NAV3: variants seen among roughly 807,000 people sequenced by gnomAD.
NAV3 encodes the protein pore membrane and/or filament interacting like protein 1.
A neutral mutation model predicts 244.7 loss-of-function variants in NAV3; 87 were observed. The ratio of observed to expected loss-of-function variants is 0.36; its 90% CI spans 0.30 to 0.42. The LOEUF (loss-of-function observed/expected upper bound fraction) is 0.42, where lower values mean the gene tolerates loss of function less well. Ranked by LOEUF, NAV3 falls within the 20% of genes least tolerant of loss-of-function variation. The pLI, the probability that NAV3 is intolerant of heterozygous loss-of-function variation, is 1.00. For synonymous variants in NAV3, 1,126 were observed against 1,042.2 expected, an observed-to-expected ratio of 1.08 and a Z score of -1.55; for missense variants, 2,663 against 2,893.3, an observed-to-expected ratio of 0.92 and a Z score of 1.83.
At chr12:77,618,620 G>GTA (rs1491302080) in intron 2 of NAV3, among the ~76,000 whole-genome samples, 1 of 152,054 alleles carries the variant, frequency 6.6e-6, no homozygotes, top group East Asian at 1.9e-4. Flanking sequence ...TGTTTAACAC[G>GTA]TATATATATA....
At chr12:77,596,099 G>A (rs542361299) in intron 2 of NAV3, among the ~76,000 whole-genome samples, 6 of 152,224 alleles carry the variant, frequency 3.9e-5, no homozygotes, top group Non-Finnish European at 7.4e-5. Flanking sequence ...TGACAATGAG[G>A]CTGGGCTCTG....
intron 8 of NAV3, among the ~76,000 whole-genome samples, chr12:78,012,471 C>T (rs938519383): frequency 6.6e-6 from 1 of 152,088 alleles, no homozygotes; most frequent in Admixed American, 6.6e-5. Flanking sequence ...CCATGACCCT[C>T]CAGGTTCTAA....
chr12:77,899,400 A>ACCAC (rs1259380723), intron 1 of NAV3, among the ~76,000 whole-genome samples: 1 of 152,306 alleles, frequency 6.6e-6, no homozygotes, highest in East Asian at 1.9e-4. Flanking sequence ...AATTTCATCA[A>ACCAC]CCACCACCCT....
chr12:78,132,531 C>A (rs1956209386), intron 18 of NAV3, among the ~76,000 whole-genome samples: 1 of 152,212 alleles, frequency 6.6e-6, no homozygotes, highest in South Asian at 2.1e-4. Context: ...ATAGCTGTAT[C>A]ATTTATTGTA....
intron 1 of NAV3, among the ~76,000 whole-genome samples, chr12:77,871,434 C>T (rs899487300): frequency 6.6e-6 from 1 of 152,078 alleles, no homozygotes; most frequent in African/African-American, 2.4e-5. Flanking sequence ...GTTATCCCTC[C>T]CCTAATCCCC....
intron 2 of NAV3, among the ~76,000 whole-genome samples, chr12:77,647,269 G>GAAACATA (rs1872642214): frequency 6.6e-6 from 1 of 152,074 alleles, no homozygotes; most frequent in Non-Finnish European, 1.5e-5. Context: ...AAAACATAGA[G>GAAACATA]GAGTAACATT....
intron 2 of NAV3, among the ~76,000 whole-genome samples, chr12:77,628,855 C>G (rs1039852161): frequency 3.1e-4 from 46 of 149,716 alleles, no homozygotes; most frequent in African/African-American, 1.1e-3. Context: ...CTCATCACCA[C>G]TGCAGTCCAC....
At chr12:78,009,193 G>A (rs1278740115) in intron 8 of NAV3, among the ~76,000 whole-genome samples, 2 of 152,130 alleles carry the variant, frequency 1.3e-5, no homozygotes, top group African/African-American at 4.8e-5. Flanking sequence ...CAGCACAGCA[G>A]CACAGCTTAG....
chr12:77,595,839 A>G (rs1386410105), intron 2 of NAV3, among the ~76,000 whole-genome samples: 1 of 152,198 alleles, frequency 6.6e-6, no homozygotes, highest in African/African-American at 2.4e-5. Context: ...AATATGAAGT[A>G]TATTTGCTTT....
chr12:77,933,876 T>A (rs1463351036), intron 1 of NAV3, among the ~76,000 whole-genome samples: 1 of 152,242 alleles, frequency 6.6e-6, no homozygotes, highest in Non-Finnish European at 1.5e-5. Flanking sequence ...TCCCACACTG[T>A]GATTTTGCAA....
rs74105001 is a variant in NAV3, at chr12:77,699,837, A to G, written c.72+127571A>G. ...CAAGCCTCTGAAATCAGTCACCTCT[A>G]CAGCACTCCATAGATTGAAGGAGTC... On this transcript the variant is annotated intron_variant, in intron 2 of 8. Coordinates refer to the NAV3 transcript ENST00000550042. Among the ~76,000 whole-genome samples, 166 of 150,004 alleles carry G rather than the reference A, an allele frequency of 1.1e-3. 1 individual carries two copies. Among genetic ancestry groups the G allele is most frequent in the African/African-American group, 3.6e-3 (147 of 40,944 alleles).
At chr12:77,584,666 A>G (rs1228282052) in intron 2 of NAV3, among the ~76,000 whole-genome samples, 1 of 152,234 alleles carries the variant, frequency 6.6e-6, no homozygotes, top group South Asian at 2.1e-4. Context: ...AATTTCCATT[A>G]CAAATTACCT....
intron 3 of NAV3, among the ~76,000 whole-genome samples, chr12:77,959,981 T>G (rs1053244661): frequency 6.9e-6 from 1 of 144,570 alleles, no homozygotes; most frequent in Non-Finnish European, 1.5e-5. Context: ...GGCCAAATGC[T>G]ATTACAGATT....
chr12:77,686,036 T>A (rs959046809), intron 2 of NAV3, among the ~76,000 whole-genome samples: 2 of 152,194 alleles, frequency 1.3e-5, no homozygotes, highest in Non-Finnish European at 2.9e-5. Context: ...TGGATTTGAC[T>A]CTCTAGATGT....
chr12:77,704,137 T>G (rs1460335657), intron 2 of NAV3, among the ~76,000 whole-genome samples: 1 of 152,216 alleles, frequency 6.6e-6, no homozygotes, highest in Non-Finnish European at 1.5e-5. Flanking sequence ...CCTTTTCTAT[T>G]CTATTTTAAT....
At chr12:77,660,560 T>C (rs1873391099) in intron 2 of NAV3, among the ~76,000 whole-genome samples, 1 of 152,150 alleles carries the variant, frequency 6.6e-6, no homozygotes, top group East Asian at 1.9e-4. Context: ...CAAAATTCAC[T>C]ATTATTAGTT....
intron 6 of NAV3, among the ~76,000 whole-genome samples, chr12:77,995,913 CCTCT>C (rs1285666305): frequency 6.6e-6 from 1 of 151,106 alleles, no homozygotes; most frequent in Non-Finnish European, 1.5e-5. Context: ...GATCTCTCTC[CCTCT>C]CTCTCTCTCC....
intron 38 of NAV3, among the ~76,000 whole-genome samples, chr12:78,204,621 T>C (rs1259307565): frequency 1.3e-5 from 2 of 152,142 alleles, no homozygotes; most frequent in Non-Finnish European, 2.9e-5. Flanking sequence ...AGTTTTCTCT[T>C]GGTTTGTCAA....
At chr12:78,063,569 G>A (rs1288137210) in intron 12 of NAV3, among the ~76,000 whole-genome samples, 1 of 152,142 alleles carries the variant, frequency 6.6e-6, no homozygotes, top group African/African-American at 2.4e-5. Context: ...CAGTATGGGT[G>A]AAAGTTCCTC....
Sources: gnomAD v4.1 joint callset for allele counts (sites outside exome capture counted in the v4.1 genomes callset) on GRCh38, gnomAD v4.1.1 for gene constraint, MANE v1.5 for transcripts, NCBI Gene and HGNC (gene_info 2026-07-23, HGNC 2026-07-21) for gene names.